NPAS3: variants seen among roughly 807,000 people sequenced by gnomAD.
NPAS3 encodes the protein neuronal PAS domain-containing protein 3.
In NPAS3, 14 loss-of-function variants were observed where a neutral mutation model predicts 73.1. That is an observed-to-expected ratio of 0.19 (90% CI 0.13 to 0.30). The LOEUF is 0.30. Among genes scored for constraint, NPAS3 ranks in the 10% least tolerant of loss-of-function variants. NPAS3 has a pLI of 1.00. For synonymous variants in NPAS3, 620 were observed against 541.5 expected (o/e 1.14, Z -2.01); for missense variants, 1,096 against 1,250.0 (o/e 0.88, Z 1.86).
intron 2 of NPAS3, among the ~76,000 whole-genome samples, chr14:33,101,539 T>G (rs1264796400): frequency 6.6e-6 from 1 of 152,172 alleles, no homozygotes; most frequent in Non-Finnish European, 1.5e-5. Flanking sequence ...AGAAATTATA[T>G]TCCTAAAGTA....
At chr14:33,639,508 A>G (rs966523482) in intron 5 of NPAS3, among the ~76,000 whole-genome samples, 3 of 152,190 alleles carry the variant, frequency 2.0e-5, no homozygotes, top group Non-Finnish European at 4.4e-5. Flanking sequence ...TGGAGTTCAC[A>G]CTAGAGATCG....
chr14:33,164,405 T>C (rs1224547868), intron 2 of NPAS3, among the ~76,000 whole-genome samples: 1 of 152,234 alleles, frequency 6.6e-6, no homozygotes, highest in Non-Finnish European at 1.5e-5. Context: ...TATATCATGT[T>C]CTTAAATAAG....
At chr14:33,385,967 T>C (rs768543856) in intron 4 of NPAS3, among the ~76,000 whole-genome samples, 1 of 152,164 alleles carries the variant, frequency 6.6e-6, no homozygotes, top group Non-Finnish European at 1.5e-5. Context: ...AGTATACACA[T>C]TGACTTATTT....
intron 4 of NPAS3, among the ~76,000 whole-genome samples, chr14:33,381,911 T>C (rs769267907): frequency 2.6e-5 from 4 of 152,192 alleles, no homozygotes; most frequent in Non-Finnish European, 4.4e-5. Context: ...GCCATTTCCA[T>C]AGCCGGTGGG....
At chr14:33,183,914 C>T (rs1327160073) in intron 2 of NPAS3, among the ~76,000 whole-genome samples, 1 of 152,148 alleles carries the variant, frequency 6.6e-6, no homozygotes, top group Non-Finnish European at 1.5e-5. Context: ...CCTCGTGATG[C>T]CCCTTTTGTT....
chr14:33,788,781 G>C (rs2063257381), intron 9 of NPAS3, among the ~76,000 whole-genome samples: 1 of 152,038 alleles, frequency 6.6e-6, no homozygotes, highest in Non-Finnish European at 1.5e-5. Flanking sequence ...GTTTTCCCAA[G>C]GAAAACTGAA....
At chr14:33,733,061 G>A (rs8005544) in intron 6 of NPAS3, among the ~76,000 whole-genome samples, 6,043 of 152,236 alleles carry the variant, frequency 0.04, 405 homozygotes, top group African/African-American at 0.13. Flanking sequence ...GCTAAAACAG[G>A]TTTCACTTCT....
chr14:32,972,311 A>G (rs1212625145), intron 1 of NPAS3, among the ~76,000 whole-genome samples: 1 of 152,184 alleles, frequency 6.6e-6, no homozygotes, highest in Admixed American at 6.5e-5. Flanking sequence ...CATTAAAAGC[A>G]AAGAAACTTG....
In NPAS3 at chr14:33,480,358, C is replaced by T. The variant is rs536276481; in HGVS notation, c.469-79763C>T. Among the ~76,000 whole-genome samples, 22 of 152,232 alleles carry T rather than the reference C, an allele frequency of 1.4e-4. No individual in the cohort carries two copies. In the East Asian group the frequency reaches 3.1e-3, roughly 21 times the overall value. Reference sequence around the variant, plus strand: ...GAAAGTCAGTGAGGATTCAGTCATGCGCTGCTATCATGGCCTTTAGGCAAT... The same window carrying T: ...GAAAGTCAGTGAGGATTCAGTCATGTGCTGCTATCATGGCCTTTAGGCAAT... On this transcript the variant is annotated intron_variant, in intron 4 of 11. Coordinates refer to ENST00000356141, the Ensembl canonical transcript of NPAS3.
intron 5 of NPAS3, among the ~76,000 whole-genome samples, chr14:33,657,795 A>C (rs1180284669): frequency 6.6e-6 from 1 of 152,214 alleles, no homozygotes; most frequent in East Asian, 1.9e-4. Context: ...TATGTAAAAA[A>C]AAAAAAGATA....
intron 4 of NPAS3, among the ~76,000 whole-genome samples, chr14:33,502,977 T>C (rs17101354): frequency 0.22 from 33,439 of 151,828 alleles, 4,417 homozygotes; most frequent in East Asian, 0.47. Context: ...ACAGCAACTA[T>C]ACCATCTATA....
At chr14:33,331,638 A>T (rs925149948) in intron 3 of NPAS3, among the ~76,000 whole-genome samples, 1 of 151,558 alleles carries the variant, frequency 6.6e-6, no homozygotes, top group Non-Finnish European at 1.5e-5. Flanking sequence ...TGCTTCAGAT[A>T]TGCTTTCAGC....
intron 2 of NPAS3, among the ~76,000 whole-genome samples, chr14:33,172,747 A>T (rs1259830811): frequency 6.6e-6 from 1 of 152,150 alleles, no homozygotes; most frequent in Non-Finnish European, 1.5e-5. Context: ...CTTAAAAAAA[A>T]AAAAAATTAA....
At chr14:33,172,794 A>G (rs572312646) in intron 2 of NPAS3, among the ~76,000 whole-genome samples, 1 of 152,212 alleles carries the variant, frequency 6.6e-6, no homozygotes, top group African/African-American at 2.4e-5. Flanking sequence ...AATGAAGTTC[A>G]TCTTATATCA....
intron 1 of NPAS3, among the ~76,000 whole-genome samples, chr14:33,022,060 C>T (rs1183177191): frequency 6.6e-6 from 1 of 152,174 alleles, no homozygotes; most frequent in African/African-American, 2.4e-5. Context: ...TGTACTTTTC[C>T]CACCTTATTC....
At chr14:33,605,285 A>T (rs1054725969) in intron 5 of NPAS3, among the ~76,000 whole-genome samples, 4 of 151,732 alleles carry the variant, frequency 2.6e-5, no homozygotes, top group Non-Finnish European at 5.9e-5. Context: ...CGCCATCAGT[A>T]TTTTAAAAAA....
At chr14:33,362,601 G>C (rs1210768433) in intron 3 of NPAS3, among the ~76,000 whole-genome samples, 1 of 152,054 alleles carries the variant, frequency 6.6e-6, no homozygotes, top group Non-Finnish European at 1.5e-5. Context: ...ATGCCCTTTA[G>C]TGCTCCCTTC....
chr14:33,156,165 TTATAG>T (rs563078049), intron 2 of NPAS3, among the ~76,000 whole-genome samples: 45 of 152,312 alleles, frequency 3.0e-4, no homozygotes, highest in African/African-American at 9.9e-4. Context: ...TTCATGGTAG[TTATAG>T]TAAGTAATAT....
intron 3 of NPAS3, among the ~76,000 whole-genome samples, chr14:33,225,580 T>C (rs989482194): frequency 1.3e-5 from 2 of 152,230 alleles, no homozygotes; most frequent in Non-Finnish European, 2.9e-5. Flanking sequence ...ATAGACAAGC[T>C]GTAATGGAAT....
Sources: allele counts gnomAD v4.1 joint callset (sites outside exome capture counted in the v4.1 genomes callset), GRCh38; gene constraint gnomAD v4.1.1; transcripts MANE v1.5; gene names NCBI Gene and HGNC (gene_info 2026-07-23, HGNC 2026-07-21).